Variants in SYNE2 observed in about 807,000 individuals in gnomAD.
SYNE2 encodes the protein spectrin repeat containing nuclear envelope protein 2, also known as nesprin-2.
SYNE2 carries 431 observed loss-of-function variants against 856.3 expected under a neutral mutation model. The ratio of observed to expected loss-of-function variants is 0.50; its 90% CI spans 0.47 to 0.55. The LOEUF is 0.55. SYNE2 is among the 20% of genes least tolerant of loss of function. The pLI, the probability that SYNE2 is intolerant of heterozygous loss-of-function variation, is 0.00. For missense variants in SYNE2, 8,129 were observed against 8,023.2 expected (o/e 1.01, Z -0.50); for synonymous variants, 2,923 against 2,872.3 (o/e 1.02, Z -0.56).
chr14:63,885,057 C>T (rs1431437561), intron 1 of SYNE2, among the ~76,000 whole-genome samples: 1 of 152,134 alleles, frequency 6.6e-6, no homozygotes, highest in Non-Finnish European at 1.5e-5. Context: ...TGCCCAGCCT[C>T]TTGGGAGTGA....
At chr14:63,836,960 A>G (rs183380553) in intron 1 of SYNE2, among the ~76,000 whole-genome samples, 4 of 152,304 alleles carry the variant, frequency 2.6e-5, no homozygotes, top group Admixed American at 2.0e-4. Flanking sequence ...ATGATATTCC[A>G]TTGTAAGAAA....
chr14:63,882,195 T>C (rs985418551), intron 1 of SYNE2, among the ~76,000 whole-genome samples: 1 of 152,154 alleles, frequency 6.6e-6, no homozygotes. Context: ...GTCAGCTCTT[T>C]CCATCCTGAC....
chr14:63,826,661 C>T (rs1166310841), intron 1 of SYNE2, among the ~76,000 whole-genome samples: 3 of 152,008 alleles, frequency 2.0e-5, no homozygotes, highest in African/African-American at 7.2e-5. Context: ...GCAAGAATGA[C>T]ACCTACAAAC....
intron 66 of SYNE2, among the ~76,000 whole-genome samples, chr14:64,117,041 C>T (rs867760026): frequency 2.6e-5 from 4 of 152,240 alleles, no homozygotes; most frequent in Middle Eastern, 3.4e-3. Context: ...GTAGTCCCAC[C>T]TTTGTCTGTG....
chr14:64,100,783 T>C (rs1413207750), intron 63 of SYNE2, among the ~76,000 whole-genome samples: 3 of 151,306 alleles, frequency 2.0e-5, no homozygotes, highest in Non-Finnish European at 2.9e-5. Flanking sequence ...TCCTGTGCCC[T>C]TTTTTTAATG....
rs556348846 is a variant in SYNE2 at position 64,125,227 on chromosome 14, A to G, written c.13554+17A>G. 2.5e-6 allele frequency: 4 copies of G among 1,613,862 alleles called. No individual in the cohort carries two copies. Among genetic ancestry groups the G allele is most frequent in the Admixed American group, 3.3e-5 (2 of 60,006 alleles). ...CAGACACAGGTAGAAGCTGCACACA[A>G]TGTGTTTTCCTCATTGTAATAACAT... is the stretch of plus-strand genomic sequence containing the variant. On this transcript the variant is annotated intron_variant, in intron 71 of 115. Coordinates refer to ENST00000555002, the MANE Select transcript of SYNE2 (RefSeq NM_182914.3).
At chr14:63,858,715 C>G (rs1317824779) in intron 1 of SYNE2, among the ~76,000 whole-genome samples, 1 of 152,114 alleles carries the variant, frequency 6.6e-6, no homozygotes, top group African/African-American at 2.4e-5. Flanking sequence ...AGTATTGCCT[C>G]TTAATAATGT....
intron 87 of SYNE2, among the ~76,000 whole-genome samples, chr14:64,160,145 T>G (rs1001814574): frequency 3.9e-5 from 6 of 152,192 alleles, no homozygotes; most frequent in African/African-American, 1.4e-4. Context: ...AGTGGTGCCC[T>G]TAGCTCTTGA....
At position 64,080,604 on chromosome 14, in the gene SYNE2, A is replaced by C. The variant is rs760897003; in HGVS notation, c.11312A>C (p.Gln3771Pro). The C allele has an allele frequency of 5.0e-6, 8 of 1,614,248 alleles. No homozygotes were observed. The highest frequency in any genetic ancestry group is 5.9e-6 in the Non-Finnish European group (7 of 1,180,044). Residue 3771 changes from glutamine (Q) to proline (P), a missense_variant, in exon 56 of 116, where the codon CAG becomes CCG. Around this residue, in one of 3 missense-constraint regions of SYNE2, gnomAD observed 5,410 missense variants for 5,284.8 expected, o/e 1.02. Coordinates refer to ENST00000555002, the MANE Select transcript of SYNE2 (RefSeq NM_182914.3). ...TTCCAGCAGTATCAGCAAGTATCACAGAGAGCAGAGTGTAGAACCTCACAG... is the reference window on the plus strand; with the variant it reads ...TTCCAGCAGTATCAGCAAGTATCACCGAGAGCAGAGTGTAGAACCTCACAG... ...IPFQQYQQVS[Q>P]RAECRTSQLN...
intron 1 of SYNE2, among the ~76,000 whole-genome samples, chr14:63,818,133 C>T (rs943329966): frequency 2.6e-5 from 4 of 151,086 alleles, no homozygotes; most frequent in African/African-American, 9.7e-5. Context: ...ATCACAAGGT[C>T]AGGAGATCCT....
At chr14:64,131,350 G>C (rs1442241601) in intron 76 of SYNE2, among the ~76,000 whole-genome samples, 1 of 152,186 alleles carries the variant, frequency 6.6e-6, no homozygotes, top group African/African-American at 2.4e-5. Flanking sequence ...CCTTCCTCTT[G>C]AAAGGTTCTT....
At chr14:63,965,196 C>A (rs1435678565) in intron 10 of SYNE2, among the ~76,000 whole-genome samples, 1 of 152,076 alleles carries the variant, frequency 6.6e-6, no homozygotes, top group Non-Finnish European at 1.5e-5. Flanking sequence ...CCCCTGACTT[C>A]AAGTGATTCG....
At chr14:63,927,462 G>A (rs1042421219) in intron 2 of SYNE2, among the ~76,000 whole-genome samples, 4 of 152,242 alleles carry the variant, frequency 2.6e-5, no homozygotes, top group Non-Finnish European at 4.4e-5. Context: ...GAGGGACCCA[G>A]TGGGAGATAA....
intron 100 of SYNE2, among the ~76,000 whole-genome samples, chr14:64,204,189 T>A (rs2098594308): frequency 6.6e-6 from 1 of 152,248 alleles, no homozygotes; most frequent in African/African-American, 2.4e-5. Flanking sequence ...CTAGGCTCTG[T>A]CTTTGCTTTG....
intron 1 of SYNE2, among the ~76,000 whole-genome samples, chr14:63,858,506 T>C (rs1430367074): frequency 1.3e-5 from 2 of 151,816 alleles, no homozygotes; most frequent in African/African-American, 4.8e-5. Flanking sequence ...AACCTCTGCC[T>C]CCCAGGTTCA....
intron 21 of SYNE2, among the ~76,000 whole-genome samples, chr14:63,992,146 A>T (rs1165661931): frequency 6.6e-6 from 1 of 151,930 alleles, no homozygotes; most frequent in African/African-American, 2.4e-5. Context: ...GGTTCCTGAA[A>T]GTACTAAATT....
At chr14:64,030,933 C>T in intron 44 of SYNE2, 83 bp from the exon 45 acceptor site, 1 of 1,083,088 alleles carries the variant, frequency 9.2e-7, no homozygotes, top group South Asian at 1.3e-5. Flanking sequence ...ACTGGTGAAG[C>T]AAGAGTACTC....
Position 63,960,685 on chromosome 14 carries a change from G to A in SYNE2, c.788-840G>A, listed in dbSNP as rs1391817707. On this transcript the variant is annotated intron_variant, in intron 8 of 115. Transcript: ENST00000555002. ...CAAATTAGGTGTTCATTTTGTCTGT[G>A]ACATATTGCATTCACCCTTTTGTGA... The A allele has an allele frequency of 1.9e-5, 14 of 732,342 alleles. No individual in the cohort carries two copies. The East Asian group carries it at 3.2e-4, about 17-fold the overall frequency. 45.4% of individuals were successfully genotyped at this position (732,342 alleles called of 1,614,324 possible).
intron 85 of SYNE2, among the ~76,000 whole-genome samples, chr14:64,156,734 C>A (rs971131561): frequency 1.3e-5 from 2 of 152,216 alleles, no homozygotes; most frequent in Non-Finnish European, 2.9e-5. Flanking sequence ...GCTGGGATTA[C>A]AGGCGTGAGC....
Sources: allele counts gnomAD v4.1 joint callset (sites outside exome capture counted in the v4.1 genomes callset), GRCh38; gene constraint gnomAD v4.1.1; regional missense constraint gnomAD v4.1.1; transcripts MANE v1.5; gene names NCBI Gene and HGNC (gene_info 2026-07-23, HGNC 2026-07-21).